The following PTPRD variants were observed in gnomAD, a reference collection of about 807,000 sequenced individuals.
The protein encoded by PTPRD is receptor-type tyrosine-protein phosphatase delta.
A neutral mutation model predicts 214.5 loss-of-function variants in PTPRD; 34 were observed. That is an observed-to-expected ratio of 0.16 (90% CI 0.12 to 0.21). The LOEUF (loss-of-function observed/expected upper bound fraction) is 0.21. PTPRD is among the 10% of genes least tolerant of loss of function. PTPRD has a pLI of 1.00. For missense variants in PTPRD, 2,545 were observed against 2,398.7 expected, an observed-to-expected ratio of 1.06 and a Z score of -1.27; for synonymous variants, 1,128 against 845.7, an observed-to-expected ratio of 1.33 and a Z score of -5.79.
chr9:8,528,242 A>C (rs1160434926), intron 15 of PTPRD: 2 of 427,364 alleles, frequency 4.7e-6, no homozygotes. Context: ...TGTTGAAATA[A>C]ATTTGTTTCA....
At chr9:10,563,438 C>G (rs1034423700) in intron 2 of PTPRD, among the ~76,000 whole-genome samples, 2 of 152,146 alleles carry the variant, frequency 1.3e-5, no homozygotes, top group Admixed American at 6.5e-5. Context: ...CCCAACAGTC[C>G]TAAGACTCAA....
intron 5 of PTPRD, among the ~76,000 whole-genome samples, chr9:9,917,322 A>AG (rs2081179912): frequency 6.8e-6 from 1 of 147,760 alleles, no homozygotes; most frequent in Non-Finnish European, 1.5e-5. Flanking sequence ...AAAAAAAAAA[A>AG]AGAGAGTAGA....
Position 8,856,647 on chromosome 9 carries a change from G to C in PTPRD, c.-103-122701C>G, listed in dbSNP as rs1475537938. Among the ~76,000 whole-genome samples, 6 of 152,158 alleles carry C rather than the reference G, an allele frequency of 3.9e-5. No homozygotes were observed. In the East Asian group the frequency reaches 1.2e-3, roughly 29 times the overall value. ...AGATGAGGCTGGGGGATTACTCTGA[G>C]AATTTTAGAAAACGGAGGAGACATT... On this transcript the variant is annotated intron_variant, in intron 11 of 45. Coordinates refer to ENST00000381196, the MANE Select transcript of PTPRD (RefSeq NM_002839.4).
chr9:8,938,010 T>G, intron 11 of PTPRD, among the ~76,000 whole-genome samples: 1 of 152,156 alleles, frequency 6.6e-6, no homozygotes, highest in East Asian at 1.9e-4. Context: ...TAAATAGACC[T>G]AGTTTTATAT....
chr9:10,074,392 C>G (rs1174484084), intron 3 of PTPRD, among the ~76,000 whole-genome samples: 2 of 152,096 alleles, frequency 1.3e-5, no homozygotes, highest in Non-Finnish European at 2.9e-5. Flanking sequence ...GAATATGGCT[C>G]TATTCCAGTC....
chr9:10,401,422 G>T (rs2098267910), intron 2 of PTPRD, among the ~76,000 whole-genome samples: 1 of 151,124 alleles, frequency 6.6e-6, no homozygotes, highest in Non-Finnish European at 1.5e-5. Context: ...TTTCCAATGG[G>T]CAGAGTATCA....
At chr9:9,348,967 T>C (rs1279094215) in intron 9 of PTPRD, among the ~76,000 whole-genome samples, 2 of 152,110 alleles carry the variant, frequency 1.3e-5, no homozygotes, top group South Asian at 2.1e-4. Flanking sequence ...TAGGAAGTAG[T>C]GTCTGAGGTT....
intron 12 of PTPRD, among the ~76,000 whole-genome samples, chr9:8,653,809 T>C (rs1025391169): frequency 6.6e-6 from 1 of 152,204 alleles, no homozygotes; most frequent in African/African-American, 2.4e-5. Flanking sequence ...TGTATACGAA[T>C]TTCTAACTTA....
intron 4 of PTPRD, among the ~76,000 whole-genome samples, chr9:9,958,229 T>G (rs929631838): frequency 6.6e-6 from 1 of 152,150 alleles, no homozygotes; most frequent in African/African-American, 2.4e-5. Context: ...CATTGGACTT[T>G]ATTAAAAACT....
At chr9:8,385,711 A>G (rs999388089) in intron 37 of PTPRD, among the ~76,000 whole-genome samples, 39 of 152,158 alleles carry the variant, frequency 2.6e-4, no homozygotes, top group African/African-American at 9.2e-4. Flanking sequence ...TATATCACTT[A>G]TGATTTTCAT....
At position 8,331,689 on chromosome 9, in the gene PTPRD, T is replaced by G. The variant is rs1479301543; in HGVS notation, c.5427A>C (p.Pro1809=). The G allele has an allele frequency of 6.2e-7, 1 of 1,613,456 alleles. No homozygotes were observed. Among genetic ancestry groups the G allele is most frequent in the Non-Finnish European group, 8.5e-7 (1 of 1,179,786 alleles). Residue 1809 remains proline (P), a synonymous_variant, in exon 44 of 46, where the codon CCA becomes CCC. Coordinates refer to ENST00000381196, the MANE Select transcript of PTPRD (RefSeq NM_002839.4). ...TVRQFQFTDW[P]EQGVPKSGEG... is the part of the protein sequence containing the mutation. ...CTCCGGACTTTGGCACTCCTTGCTCTGGCCAGTCAGTGAACTGGAACTGCC... is the reference window on the plus strand; with the variant it reads ...CTCCGGACTTTGGCACTCCTTGCTCGGGCCAGTCAGTGAACTGGAACTGCC...
At chr9:9,758,148 CAA>C (rs3050038) in intron 6 of PTPRD, among the ~76,000 whole-genome samples, 9 of 114,918 alleles carry the variant, frequency 7.8e-5, no homozygotes, top group Non-Finnish European at 9.0e-5. Flanking sequence ...GTAAAAATGG[CAA>C]AAAAAAAAAA....
intron 10 of PTPRD, among the ~76,000 whole-genome samples, chr9:9,117,849 C>T (rs188399966): frequency 2.0e-5 from 3 of 151,620 alleles, no homozygotes; most frequent in Non-Finnish European, 2.9e-5. Flanking sequence ...TGATGCATTA[C>T]CTTGAATGTA....
At chr9:8,521,618 G>A (rs2138933889) in intron 19 of PTPRD, 72 bp from the exon 20 acceptor site, 2 of 1,501,356 alleles carry the variant, frequency 1.3e-6, no homozygotes, top group Non-Finnish European at 9.0e-7. Flanking sequence ...CACATGACAT[G>A]CACCGTACAG....
At chr9:8,530,895 G>A (rs1017338592) in intron 14 of PTPRD, among the ~76,000 whole-genome samples, 5 of 152,192 alleles carry the variant, frequency 3.3e-5, no homozygotes, top group Admixed American at 6.6e-5. Flanking sequence ...TGGCTCTCCC[G>A]CTGGGCAGGA....
chr9:9,977,055 G>T (rs935326785), intron 4 of PTPRD, among the ~76,000 whole-genome samples: 2 of 152,074 alleles, frequency 1.3e-5, no homozygotes. Flanking sequence ...GAATATTTAT[G>T]ACTACTAAAC....
In PTPRD at chr9:8,436,607, A is replaced by C. The variant is rs757743320; in HGVS notation, c.4071T>G (p.Phe1357Leu). Reference protein sequence around the residue: ...ERLKANDNLKFSQEYESIDPG... With the variant: ...ERLKANDNLKLSQEYESIDPG... ...AGTGAATTACCTCATATTCCTGGGA[A>C]AACTTCAAGTTGTCATTTGCTTTCA... The change falls in exon 35 of 46, where the codon TTT becomes TTG. Residue 1357 changes from phenylalanine (F) to leucine (L), a missense_variant. Transcript: ENST00000381196. 6.2e-7 allele frequency: 1 copy of C among 1,612,544 alleles called. No homozygotes were observed. The highest frequency in any genetic ancestry group is 8.5e-7 in the Non-Finnish European group (1 of 1,178,842).
intron 3 of PTPRD, among the ~76,000 whole-genome samples, chr9:10,141,225 A>G (rs866621346): frequency 0.02 from 3,072 of 152,164 alleles, 58 homozygotes; most frequent in African/African-American, 0.049. Context: ...ACTCCTATTC[A>G]ACATAGTGTT....
intron 3 of PTPRD, among the ~76,000 whole-genome samples, chr9:10,176,907 AT>A (rs2099251835): frequency 6.6e-6 from 1 of 152,014 alleles, no homozygotes; most frequent in African/African-American, 2.4e-5. Flanking sequence ...ACTGAAGCAC[AT>A]TCTTATAAAA....
Sources: gnomAD v4.1 joint callset for allele counts (sites outside exome capture counted in the v4.1 genomes callset) on GRCh38, gnomAD v4.1.1 for gene constraint, MANE v1.5 for transcripts, NCBI Gene and HGNC (gene_info 2026-07-23, HGNC 2026-07-21) for gene names.